The following KIAA0825 variants were observed in gnomAD, a reference collection of about 807,000 sequenced individuals.
The protein encoded by KIAA0825 is uncharacterized protein KIAA0825.
A neutral mutation model predicts 147.6 loss-of-function variants in KIAA0825; 119 were observed. The ratio of observed to expected loss-of-function variants is 0.81; its 90% CI spans 0.69 to 0.94. The LOEUF is 0.94. Among genes scored for constraint, KIAA0825 ranks in the 40% least tolerant of loss-of-function variants. The pLI is 0.00. For synonymous variants in KIAA0825, 470 were observed against 518.1 expected, an observed-to-expected ratio of 0.91 and a Z score of 1.26; for missense variants, 1,381 against 1,472.7, an observed-to-expected ratio of 0.94 and a Z score of 1.02.
At chr5:94,166,555 T>C (rs1156893085) in intron 20 of KIAA0825, among the ~76,000 whole-genome samples, 3 of 143,378 alleles carry the variant, frequency 2.1e-5, no homozygotes, top group African/African-American at 7.7e-5. Context: ...TCACCCAGTC[T>C]GGAGTGCAGT....
intron 20 of KIAA0825, among the ~76,000 whole-genome samples, chr5:94,189,408 T>C (rs1330804690): frequency 2.0e-5 from 3 of 152,210 alleles, no homozygotes; most frequent in Non-Finnish European, 4.4e-5. Context: ...TAGGTCTTCA[T>C]ATTTATATCT....
intron 20 of KIAA0825, among the ~76,000 whole-genome samples, chr5:94,374,190 A>C (rs562738243): frequency 1.3e-5 from 2 of 152,358 alleles, no homozygotes; most frequent in African/African-American, 4.8e-5. Context: ...AGGTAGAAGA[A>C]AATTGATTAC....
chr5:94,611,067 G>T (rs1348320652), intron 1 of KIAA0825, among the ~76,000 whole-genome samples: 1 of 152,036 alleles, frequency 6.6e-6, no homozygotes, highest in African/African-American at 2.4e-5. Context: ...TAAAGTCAGG[G>T]AAGTGTCTTT....
Position 94,152,847 on chromosome 5 carries a change from AAAAAAAAATTATATATATAT to A in KIAA0825, c.*1140_*1159del, listed in dbSNP as rs1562284012. 54 of 30,152 alleles carry A rather than the reference AAAAAAAAATTATATATATAT, an allele frequency of 1.8e-3. 1 individual carries two copies. Among genetic ancestry groups the A allele is most frequent in the Non-Finnish European group, 2.9e-3 (43 of 14,766 alleles). 1.9% of individuals were successfully genotyped at this position (30,152 alleles called of 1,614,324 possible). A position where few individuals can be genotyped will look rare whatever the true frequency, so the allele number is the denominator to read the frequency against. ...AAAAAAAAAAAAAAAAAAAAAAAAA[AAAAAAAAATTATATATATAT>A]ATATATATATATATATATATATATA... On this transcript the variant is annotated 3_prime_UTR_variant, in exon 21 of 21. Transcript: ENST00000682413.
chr5:94,189,689 G>A (rs1246266134), intron 20 of KIAA0825, among the ~76,000 whole-genome samples: 4 of 152,084 alleles, frequency 2.6e-5, no homozygotes, highest in Non-Finnish European at 5.9e-5. Context: ...AGCTTTATAG[G>A]AAGTCTTTAA....
intron 2 of KIAA0825, among the ~76,000 whole-genome samples, chr5:94,555,254 T>A (rs145352905): frequency 5.3e-5 from 8 of 152,258 alleles, no homozygotes; most frequent in Non-Finnish European, 1.2e-4. Flanking sequence ...CTCCAGTGGA[T>A]CTTAATTTGT....
chr5:94,379,503 C>G (rs1302430229), intron 20 of KIAA0825, among the ~76,000 whole-genome samples: 1 of 152,150 alleles, frequency 6.6e-6, no homozygotes, highest in African/African-American at 2.4e-5. Flanking sequence ...GTTACAGTAG[C>G]CTTGTAATAT....
intron 2 of KIAA0825, among the ~76,000 whole-genome samples, chr5:94,578,186 A>C (rs1781413649): frequency 6.6e-6 from 1 of 152,236 alleles, no homozygotes; most frequent in South Asian, 2.1e-4. Flanking sequence ...ATTCAATTCA[A>C]AGATGGAAAT....
chr5:94,439,842 A>G, intron 14 of KIAA0825, 140 bp downstream of exon 14: 3 of 818,400 alleles, frequency 3.7e-6, no homozygotes, highest in Non-Finnish European at 5.6e-6. Context: ...AATGCTTTTG[A>G]CTGCTGCTAA....
chr5:94,531,502 A>T (rs1770796440), intron 3 of KIAA0825, among the ~76,000 whole-genome samples: 1 of 152,218 alleles, frequency 6.6e-6, no homozygotes, highest in Admixed American at 6.5e-5. Context: ...TGGGGCCAGA[A>T]AAAGTTTAGG....
At chr5:94,333,433 T>G (rs1191906419) in intron 20 of KIAA0825, among the ~76,000 whole-genome samples, 2 of 113,330 alleles carry the variant, frequency 1.8e-5, no homozygotes, top group Non-Finnish European at 3.8e-5. Context: ...TCAGTATCGG[T>G]TTTTTTGCAT....
intron 2 of KIAA0825, among the ~76,000 whole-genome samples, chr5:94,566,089 T>C (rs2152309692): frequency 6.6e-6 from 1 of 152,346 alleles, no homozygotes; most frequent in Admixed American, 6.5e-5. Flanking sequence ...ATCCATATTG[T>C]TGCAAATGAC....
At chr5:94,289,867 T>C (rs1474306425) in intron 20 of KIAA0825, among the ~76,000 whole-genome samples, 1 of 151,600 alleles carries the variant, frequency 6.6e-6, no homozygotes, top group East Asian at 1.9e-4. Context: ...TGGCAAGATG[T>C]CATCTCTACT....
intron 20 of KIAA0825, among the ~76,000 whole-genome samples, chr5:94,182,277 T>TTTTTTTTTTTTTTTTA (rs1769719869): frequency 7.4e-6 from 1 of 134,652 alleles, no homozygotes; most frequent in Non-Finnish European, 1.6e-5. Context: ...TTTTTTTTTT[T>TTTTTTTTTTTTTTTTA]GAGACAGGGC....
intron 15 of KIAA0825, among the ~76,000 whole-genome samples, chr5:94,409,592 G>A (rs1752498030): frequency 1.3e-5 from 2 of 152,172 alleles, no homozygotes; most frequent in African/African-American, 4.8e-5. Flanking sequence ...TAGACTGGCA[G>A]TGGAAAGGCT....
intron 13 of KIAA0825, among the ~76,000 whole-genome samples, chr5:94,441,374 G>A (rs1394994743): frequency 2.6e-5 from 4 of 152,160 alleles, no homozygotes; most frequent in Non-Finnish European, 5.9e-5. Flanking sequence ...AGTGCTTTCT[G>A]AAGCACAGGC....
At chr5:94,337,297 T>C (rs984342837) in intron 20 of KIAA0825, among the ~76,000 whole-genome samples, 1 of 152,312 alleles carries the variant, frequency 6.6e-6, no homozygotes, top group Admixed American at 6.5e-5. Context: ...GGATCTTATT[T>C]CATGATTCTT....
intron 1 of KIAA0825, among the ~76,000 whole-genome samples, chr5:94,583,805 C>T (rs1174905838): frequency 6.6e-6 from 1 of 152,078 alleles, no homozygotes; most frequent in African/African-American, 2.4e-5. Context: ...TAGGCAGGTG[C>T]CCCTCTGGGA....
chr5:94,577,597 T>C (rs1242066923), intron 2 of KIAA0825, among the ~76,000 whole-genome samples: 1 of 152,210 alleles, frequency 6.6e-6, no homozygotes, highest in Non-Finnish European at 1.5e-5. Context: ...GTTATCTCAA[T>C]TCCTTTTACA....
Sources: gnomAD v4.1 joint callset for allele counts (sites outside exome capture counted in the v4.1 genomes callset) on GRCh38, gnomAD v4.1.1 for gene constraint, MANE v1.5 for transcripts, NCBI Gene and HGNC (gene_info 2026-07-23, HGNC 2026-07-21) for gene names.